Variants in PLCB1 observed in about 807,000 individuals in gnomAD.
PLCB1 encodes 1-phosphatidylinositol 4,5-bisphosphate phosphodiesterase beta-1.
Under a neutral mutation model 161.8 loss-of-function variants are expected in PLCB1, and 46 were observed. The ratio of observed to expected loss-of-function variants is 0.28; its 90% confidence interval spans 0.22 to 0.36. The LOEUF (loss-of-function observed/expected upper bound fraction) is 0.36, where lower values mean the gene tolerates loss of function less well. Ranked by LOEUF, PLCB1 falls within the 10% of genes least tolerant of loss-of-function variation. The pLI is 1.00. For synonymous variants in PLCB1, 517 were observed against 503.7 expected (o/e 1.03, Z -0.35); for missense variants, 1,016 against 1,472.5 (o/e 0.69, Z 5.07).
chr20:8,221,883 G>A (rs917401146), intron 2 of PLCB1, among the ~76,000 whole-genome samples: 1 of 152,128 alleles, frequency 6.6e-6, no homozygotes, highest in African/African-American at 2.4e-5. Context: ...AATTACTTAT[G>A]CTGAATTGAA....
At chr20:8,726,786 C>T (rs1349086314) in intron 16 of PLCB1, among the ~76,000 whole-genome samples, 1 of 152,078 alleles carries the variant, frequency 6.6e-6, no homozygotes, top group Non-Finnish European at 1.5e-5. Flanking sequence ...TGGAAAATTT[C>T]CAAGGACCTT....
intron 11 of PLCB1, among the ~76,000 whole-genome samples, chr20:8,699,710 C>A (rs1192556101): frequency 6.6e-6 from 1 of 152,046 alleles, no homozygotes; most frequent in Non-Finnish European, 1.5e-5. Context: ...CTGTATTAGA[C>A]AATAATAAAA....
At chr20:8,379,080 C>G (rs1178379178) in intron 3 of PLCB1, among the ~76,000 whole-genome samples, 1 of 151,956 alleles carries the variant, frequency 6.6e-6, no homozygotes, top group African/African-American at 2.4e-5. Context: ...ATTGACTCGT[C>G]CTGTAAGTTC....
At chr20:8,663,638 G>A (rs1005011269) in intron 9 of PLCB1, among the ~76,000 whole-genome samples, 4 of 152,070 alleles carry the variant, frequency 2.6e-5, no homozygotes, top group Non-Finnish European at 5.9e-5. Context: ...AGGCCAAATG[G>A]GTCATGTATG....
chr20:8,636,635 G>A (rs1206633889), intron 4 of PLCB1, among the ~76,000 whole-genome samples: 1 of 152,166 alleles, frequency 6.6e-6, no homozygotes, highest in Non-Finnish European at 1.5e-5. Context: ...TTGCTATTCT[G>A]GTGACTGTGG....
intron 2 of PLCB1, among the ~76,000 whole-genome samples, chr20:8,252,635 G>T (rs1259621554): frequency 6.6e-6 from 1 of 151,938 alleles, no homozygotes; most frequent in Non-Finnish European, 1.5e-5. Context: ...TTCTAAGATT[G>T]TTTTCAATAA....
intron 31 of PLCB1, among the ~76,000 whole-genome samples, chr20:8,839,987 C>T (rs768197225): frequency 2.7e-5 from 4 of 150,918 alleles, no homozygotes; most frequent in Admixed American, 6.6e-5. Context: ...GCCAAGATCG[C>T]GCCACTGCAC....
At chr20:8,880,631 C>T (rs947446578) in intron 31 of PLCB1, among the ~76,000 whole-genome samples, 1 of 152,150 alleles carries the variant, frequency 6.6e-6, no homozygotes, top group Non-Finnish European at 1.5e-5. Context: ...CCAGCATTGG[C>T]TTCCAGGCCT....
At chr20:8,498,511 T>C (rs1281495516) in intron 3 of PLCB1, among the ~76,000 whole-genome samples, 2 of 152,156 alleles carry the variant, frequency 1.3e-5, no homozygotes, top group Non-Finnish European at 2.9e-5. Context: ...GAATTTGGGG[T>C]ACAGTGGCAA....
chr20:8,447,896 G>A (rs1980907524), intron 3 of PLCB1, among the ~76,000 whole-genome samples: 1 of 152,234 alleles, frequency 6.6e-6, no homozygotes, highest in Non-Finnish European at 1.5e-5. Context: ...GACTCTATGT[G>A]TGTGTTGGAC....
intron 2 of PLCB1, among the ~76,000 whole-genome samples, chr20:8,355,430 C>T (rs554538425): frequency 3.2e-4 from 49 of 152,254 alleles, no homozygotes; most frequent in African/African-American, 9.1e-4. Flanking sequence ...TCTGTCCAAT[C>T]TAACAGCTCC....
intron 3 of PLCB1, among the ~76,000 whole-genome samples, chr20:8,578,262 A>AT (rs774505030): frequency 6.6e-6 from 1 of 152,218 alleles, no homozygotes; most frequent in Non-Finnish European, 1.5e-5. Context: ...GATGGGCATG[A>AT]GATAACCACT....
chr20:8,344,300 GGTTT>G (rs1309629544), intron 2 of PLCB1, among the ~76,000 whole-genome samples: 1 of 152,198 alleles, frequency 6.6e-6, no homozygotes, highest in African/African-American at 2.4e-5. Context: ...GGATTTTGTG[GGTTT>G]GTTTGGTCTC....
At chr20:8,844,838 C>T (rs567004864) in intron 31 of PLCB1, among the ~76,000 whole-genome samples, 12 of 152,154 alleles carry the variant, frequency 7.9e-5, no homozygotes, top group African/African-American at 2.9e-4. Context: ...AGGCCAGGCA[C>T]GGTGGCACAC....
intron 2 of PLCB1, among the ~76,000 whole-genome samples, chr20:8,238,866 T>TG (rs537407686): frequency 1.7e-4 from 26 of 150,088 alleles, no homozygotes; most frequent in East Asian, 3.9e-4. Flanking sequence ...AATGGGTGGC[T>TG]GGGGGGAAGA....
intron 3 of PLCB1, among the ~76,000 whole-genome samples, chr20:8,527,296 G>T (rs1377775325): frequency 6.6e-6 from 1 of 151,920 alleles, no homozygotes; most frequent in Non-Finnish European, 1.5e-5. Context: ...CATTATTTTT[G>T]TTAAATATGC....
intron 2 of PLCB1, among the ~76,000 whole-genome samples, chr20:8,331,553 T>C (rs1985365164): frequency 6.6e-6 from 1 of 152,206 alleles, no homozygotes; most frequent in Non-Finnish European, 1.5e-5. Flanking sequence ...ACCATTTTTC[T>C]GACAGAAGTT....
intron 2 of PLCB1, among the ~76,000 whole-genome samples, chr20:8,244,222 A>G (rs913434985): frequency 2.6e-5 from 4 of 151,958 alleles, no homozygotes; most frequent in Non-Finnish European, 4.4e-5. Flanking sequence ...TGTGCCCTAC[A>G]TATATCTACT....
Position 8,523,500 on chromosome 20 carries a change from A to ATT in PLCB1, c.247-104793_247-104792insTT, listed in dbSNP as rs1254902526. On this transcript the variant is annotated intron_variant, in intron 3 of 31. Coordinates refer to ENST00000338037, the MANE Select transcript of PLCB1 (RefSeq NM_015192.4). ...TCTCTCTCTCTCTCTCTCTCTCTATATATATATATATATATATATATGGAG... is the reference window on the plus strand; with the variant it reads ...TCTCTCTCTCTCTCTCTCTCTCTATATTTATATATATATATATATATATGGAG... 2.1e-4 allele frequency among the ~76,000 whole-genome samples: 14 copies of ATT among 65,934 alleles called. No homozygotes were observed. In the Admixed American group the frequency reaches 2.5e-3, roughly 12 times the overall value. 43.3% of individuals were successfully genotyped at this position (65,934 alleles called of 152,430 possible).
Sources: gnomAD v4.1 joint callset for allele counts (sites outside exome capture counted in the v4.1 genomes callset) on GRCh38, gnomAD v4.1.1 for gene constraint, MANE v1.5 for transcripts, NCBI Gene and HGNC (gene_info 2026-07-23, HGNC 2026-07-21) for gene names.